Variants in ZNF217 observed in about 807,000 individuals in gnomAD.
The protein encoded by ZNF217 is zinc finger protein 217.
In ZNF217, 12 loss-of-function variants were observed where a neutral mutation model predicts 73.3. That is an observed-to-expected ratio of 0.16 (90% CI 0.10 to 0.27). The LOEUF is 0.27. Ranked by LOEUF, ZNF217 falls within the 10% of genes least tolerant of loss-of-function variation. The pLI is 1.00. For synonymous variants in ZNF217, 588 were observed against 516.4 expected (o/e 1.14, Z -1.88); for missense variants, 1,195 against 1,327.8 (o/e 0.90, Z 1.55).
intron 1 of ZNF217, among the ~76,000 whole-genome samples, chr20:53,588,986 T>TG (rs1373702568): frequency 6.6e-6 from 1 of 152,264 alleles, no homozygotes; most frequent in African/African-American, 2.4e-5. Context: ...ATAACTGAGA[T>TG]GCTTTGTTAT....
In ZNF217 at chr20:53,582,805, T is replaced by C. The variant is rs755552492; in HGVS notation, c.22A>G (p.Asn8Asp). The change falls in exon 2 of 6, where the codon AAC becomes GAC. Residue 8 changes from asparagine (N) to aspartate (D), a missense_variant. Transcript: ENST00000371471. The surrounding 1 kb of genome is among the most constrained non-coding windows in gnomAD (Gnocchi z 4.8). Reference protein sequence around the residue: MQSKVTGNMPTQSLLMYM... With the variant: MQSKVTGDMPTQSLLMYM... ...ATTAAGAGGGATTGAGTTGGCATGT[T>C]TCCTGTCACTTTCGATTGCATATAA... 60 of 1,602,464 alleles carry C rather than the reference T, an allele frequency of 3.7e-5. No homozygotes were observed. The highest frequency in any genetic ancestry group is 4.7e-5 in the Non-Finnish European group (55 of 1,173,026).
upstream of ZNF217, among the ~76,000 whole-genome samples, chr20:53,595,500 A>G (rs1006313347): frequency 2.6e-5 from 4 of 152,224 alleles, no homozygotes; most frequent in African/African-American, 7.2e-5. Context: ...AGCTCAGCAA[A>G]GGGGAAGAAT....
chr20:53,586,731 T>C (rs925949519), intron 1 of ZNF217, among the ~76,000 whole-genome samples: 3 of 152,180 alleles, frequency 2.0e-5, no homozygotes, highest in African/African-American at 7.2e-5. Flanking sequence ...TACAGCAAAA[T>C]AGAAATTCTA....
Position 53,576,442 on chromosome 20 carries a change from G to C in ZNF217, c.2322C>G (p.Pro774=), listed in dbSNP as rs1474842627. 5 of 1,614,120 alleles carry C rather than the reference G, an allele frequency of 3.1e-6. No individual in the cohort carries two copies. Among genetic ancestry groups the C allele is most frequent in the East Asian group, 2.2e-5 (1 of 44,876 alleles). The change falls in exon 4 of 6, where the codon CCC becomes CCG. Residue 774 remains proline (P), a synonymous_variant. Coordinates refer to ENST00000371471, the MANE Select transcript of ZNF217 (RefSeq NM_006526.3). ...DVPPLSSFCK[P]KPKSAFPAQS... ...GCGCCGGGAAAGCAGACTTGGGCTT[G>C]GGTTTACAGAAACTAGAGAGGGGAG...
intron 5 of ZNF217, chr20:53,570,387 A>T (rs1423462607): frequency 6.5e-6 from 1 of 153,118 alleles, no homozygotes; most frequent in Non-Finnish European, 1.5e-5. Flanking sequence ...GACCACGAGC[A>T]TCTTTTCATC....
intron 1 of ZNF217, among the ~76,000 whole-genome samples, chr20:53,590,562 G>A: frequency 6.6e-6 from 1 of 152,018 alleles, no homozygotes; most frequent in Non-Finnish European, 1.5e-5. Context: ...CTACTCCAAA[G>A]TTCTTATCAA....
chr20:53,580,495 A>G (rs1043591004), intron 2 of ZNF217, among the ~76,000 whole-genome samples: 13 of 152,174 alleles, frequency 8.5e-5, no homozygotes, highest in Admixed American at 6.5e-4. Context: ...ACAAAATACT[A>G]AACTCTGATA....
rs186962181 is a variant in ZNF217 at position 53,582,507 on chromosome 20, G to A, written c.320C>T (p.Pro107Leu). The change falls in exon 2 of 6, where the codon CCG becomes CTG. Residue 107 changes from proline (P) to leucine (L), a missense_variant. Pro to Leu is a moderately conservative substitution (Grantham distance 98). Transcript: ENST00000371471. The surrounding 1 kb of genome is among the most constrained non-coding windows in gnomAD (Gnocchi z 4.8). ...TGTTCGCACTTGACTTTTATCAAGC[G>A]GACTGAGATACTCTGCTTCAACCCG... ...VLRVEAEYLSPLDKSQVRTEP... is the reference protein window; with the variant it reads ...VLRVEAEYLSLLDKSQVRTEP... 3.1e-6 allele frequency: 5 copies of A among 1,614,112 alleles called. No homozygotes were observed. The highest frequency in any genetic ancestry group is 1.7e-5 in the Admixed American group (1 of 60,018).
At chr20:53,584,408 C>T (rs2145965018) in intron 1 of ZNF217, among the ~76,000 whole-genome samples, 1 of 152,368 alleles carries the variant, frequency 6.6e-6, no homozygotes. Context: ...AATAGAAATT[C>T]TCATACTCCT....
chr20:53,595,892 C>T (rs1219814795), upstream of ZNF217, among the ~76,000 whole-genome samples: 2 of 152,090 alleles, frequency 1.3e-5, no homozygotes, highest in African/African-American at 2.4e-5. Context: ...CCAAGTGGAA[C>T]CAGGTTGAGC....
At chr20:53,593,222 G>A (rs1988945020) in intron 1 of ZNF217, among the ~76,000 whole-genome samples, 1 of 152,060 alleles carries the variant, frequency 6.6e-6, no homozygotes, top group Non-Finnish European at 1.5e-5. Flanking sequence ...CCTCCGCCCG[G>A]CCCGAGTGGA....
In ZNF217 at chr20:53,577,224, G is replaced by A. The variant is rs1273373372; in HGVS notation, c.1540C>T (p.Leu514=). 1 of 1,607,936 alleles carries A rather than the reference G, an allele frequency of 6.2e-7. No homozygotes were observed. The highest frequency in any genetic ancestry group is 1.7e-5 in the Admixed American group (1 of 60,028). Residue 514 remains leucine (L), a synonymous_variant, in exon 4 of 6, where the codon CTG becomes TTG. Coordinates refer to ENST00000371471, the MANE Select transcript of ZNF217 (RefSeq NM_006526.3). ...TGATGTCTCTCCAAGTGATACCTCA[G>A]AGATGTCTTCTGGGCTGCAGCATAT... ...CEYAAAQKTS[L]RYHLERHHKE...
rs1194050028 is a variant in ZNF217, at chr20:53,582,955, G to C, written c.-129C>G. On this transcript the variant is annotated 5_prime_UTR_variant, in exon 2 of 6. Coordinates refer to ENST00000371471, the MANE Select transcript of ZNF217 (RefSeq NM_006526.3). The surrounding 1 kb of genome is among the most constrained non-coding windows in gnomAD (Gnocchi z 4.8). ...AAATATTTATTATAAAAGTTCAAAA[G>C]AAAGTGTATAGTCCTCTAACTTCTT... 6.8e-6 allele frequency: 7 copies of C among 1,022,550 alleles called. No homozygotes were observed. The highest frequency in any genetic ancestry group is 5.5e-5 in the Admixed American group (2 of 36,640). The allele number at this position is 1,022,550 out of a possible 1,614,324, so 63.3% of individuals were successfully genotyped here.
chr20:53,572,005 G>A (rs1397012938), intron 4 of ZNF217, 152 bp from the exon 5 acceptor site: 3 of 771,092 alleles, frequency 3.9e-6, no homozygotes, highest in Non-Finnish European at 3.8e-6. Flanking sequence ...TTCAGTTACA[G>A]CTGAATTGTT....
intron 1 of ZNF217, among the ~76,000 whole-genome samples, chr20:53,591,896 G>C (rs1461135824): frequency 3.9e-5 from 6 of 152,230 alleles, no homozygotes; most frequent in African/African-American, 1.4e-4. Context: ...TCAGGGGAAA[G>C]AAGTACAGTA....
intron 2 of ZNF217, among the ~76,000 whole-genome samples, chr20:53,578,789 G>A (rs1233605544): frequency 2.6e-5 from 4 of 152,314 alleles, no homozygotes; most frequent in East Asian, 1.9e-4. Flanking sequence ...CTCTGAGCAG[G>A]CAGGATCTGG....
intron 4 of ZNF217, among the ~76,000 whole-genome samples, chr20:53,572,263 G>C (rs530134713): frequency 1.3e-5 from 2 of 151,988 alleles, no homozygotes; most frequent in African/African-American, 2.4e-5. Context: ...AAATTAGCTG[G>C]GTATGGTGAC....
Position 53,567,210 on chromosome 20 carries a change from A to G in ZNF217, c.*2078T>C, listed in dbSNP as rs754173439. 6.6e-6 allele frequency: 1 copy of G among 152,598 alleles called. No individual in the cohort carries two copies. Among genetic ancestry groups the G allele is most frequent in the Non-Finnish European group, 1.5e-5 (1 of 68,042 alleles). 9.5% of individuals were successfully genotyped at this position (152,598 alleles called of 1,614,324 possible). A position where few individuals can be genotyped will look rare whatever the true frequency, so the allele number is the denominator to read the frequency against. On this transcript the variant is annotated 3_prime_UTR_variant, in exon 6 of 6. Coordinates refer to ENST00000371471, the MANE Select transcript of ZNF217 (RefSeq NM_006526.3). ...AATTAAAATAAATCAAACTGGAATG[A>G]AATAAATACATAAACAAAAATCCAA...
At chr20:53,597,446 C>A (rs1457118353), upstream of ZNF217, among the ~76,000 whole-genome samples, 8 of 152,154 alleles carry the variant, frequency 5.3e-5, no homozygotes, top group African/African-American at 1.9e-4. Context: ...AGGGACAGCC[C>A]TTTGAACAAG....
Sources: allele counts gnomAD v4.1 joint callset (sites outside exome capture counted in the v4.1 genomes callset), GRCh38; gene constraint gnomAD v4.1.1; non-coding constraint Gnocchi (gnomAD v3.1); transcripts MANE v1.5; gene names NCBI Gene and HGNC (gene_info 2026-07-23, HGNC 2026-07-21).